CDK12: variants seen among roughly 807,000 people sequenced by gnomAD.
CDK12 encodes cyclin dependent kinase 12.
A neutral mutation model predicts 133.8 loss-of-function variants in CDK12; 17 were observed. That is an observed-to-expected ratio of 0.13 (90% CI 0.09 to 0.19). CDK12 has a LOEUF of 0.19. CDK12 is among the 10% of genes least tolerant of loss of function. The pLI is 1.00. For synonymous variants in CDK12, 694 were observed against 683.6 expected, an observed-to-expected ratio of 1.02 and a Z score of -0.24; for missense variants, 1,508 against 1,818.7, an observed-to-expected ratio of 0.83 and a Z score of 3.11.
intron 2 of CDK12, among the ~76,000 whole-genome samples, chr17:39,484,902 G>A (rs963885183): frequency 5.9e-5 from 9 of 152,124 alleles, no homozygotes; most frequent in African/African-American, 2.2e-4. Flanking sequence ...CGGGTGCGGT[G>A]GCTCACGCCT....
intron 5 of CDK12, among the ~76,000 whole-genome samples, chr17:39,498,425 G>A (rs781677488): frequency 6.6e-5 from 10 of 152,170 alleles, no homozygotes; most frequent in Admixed American, 2.6e-4. Context: ...GTTTCACCAT[G>A]TGGGCCAGGC....
At chr17:39,466,244 G>A (rs2049295983) in intron 1 of CDK12, among the ~76,000 whole-genome samples, 1 of 150,270 alleles carries the variant, frequency 6.7e-6, no homozygotes, top group South Asian at 2.1e-4. Flanking sequence ...GGAGGCAGAG[G>A]TTATAGTGAG....
intron 11 of CDK12, among the ~76,000 whole-genome samples, chr17:39,521,001 A>G (rs1424274619): frequency 6.6e-6 from 1 of 151,846 alleles, no homozygotes; most frequent in Non-Finnish European, 1.5e-5. Context: ...ACGTGCCACC[A>G]TGCCCAGCTA....
chr17:39,469,394 G>A (rs1041430428), intron 1 of CDK12, among the ~76,000 whole-genome samples: 1 of 152,078 alleles, frequency 6.6e-6, no homozygotes, highest in East Asian at 1.9e-4. Flanking sequence ...AAGTTATTTT[G>A]GTAAATCATT....
At chr17:39,555,198 T>C (rs2056107358) in intron 2 of CDK12, among the ~76,000 whole-genome samples, 1 of 151,900 alleles carries the variant, frequency 6.6e-6, no homozygotes, top group Admixed American at 6.6e-5. Context: ...TGAGCCGAGA[T>C]CGCACCACTG....
upstream of CDK12, among the ~76,000 whole-genome samples, chr17:39,544,832 G>C (rs1474861787): frequency 1.3e-5 from 2 of 151,922 alleles, no homozygotes; most frequent in Non-Finnish European, 2.9e-5. Flanking sequence ...GTTTCTCCAT[G>C]TTGGTCAGGC....
chr17:39,485,848 G>A lies in CDK12; in HGVS notation c.1932-4709G>A, dbSNP rs1453145286. ...TGATTGCACCACTACAGTCCAGCTT[G>A]GGTGACACAGCAAGATCCTGTCTCC... is the stretch of plus-strand genomic sequence containing the variant. On this transcript the variant is annotated intron_variant, in intron 2 of 13. Transcript: ENST00000447079. Among the ~76,000 whole-genome samples, 4 of 151,984 alleles carry A rather than the reference G, an allele frequency of 2.6e-5. No homozygotes were observed. In the East Asian group the frequency reaches 7.7e-4, roughly 29 times the overall value.
intron 13 of CDK12, among the ~76,000 whole-genome samples, chr17:39,527,923 T>G (rs1407775359): frequency 6.6e-6 from 1 of 151,672 alleles, no homozygotes; most frequent in Non-Finnish European, 1.5e-5. Context: ...TACTTTTTTT[T>G]TGTTTGTTTT....
chr17:39,501,489 CT>C, intron 6 of CDK12, 50 bp downstream of exon 6: 1 of 1,302,288 alleles, frequency 7.7e-7, no homozygotes, highest in Non-Finnish European at 1.1e-6. Context: ...CTCCTCTGAC[CT>C]TTTTAGTTTC....
chr17:39,509,054 A>G (rs1417684832), intron 6 of CDK12, among the ~76,000 whole-genome samples: 1 of 151,602 alleles, frequency 6.6e-6, no homozygotes, highest in Non-Finnish European at 1.5e-5. Flanking sequence ...CCTTGAAGTG[A>G]TTCTCAAAGC....
chr17:39,484,959 A>G (rs1294957208), intron 2 of CDK12, among the ~76,000 whole-genome samples: 6 of 152,104 alleles, frequency 3.9e-5, no homozygotes, highest in Non-Finnish European at 7.4e-5. Context: ...TCACGAGGTC[A>G]GGAGATCGAG....
chr17:39,499,356 A>C (rs2052545094), intron 5 of CDK12, among the ~76,000 whole-genome samples: 1 of 146,254 alleles, frequency 6.8e-6, no homozygotes, highest in Non-Finnish European at 1.5e-5. Flanking sequence ...TTACAGGTGC[A>C]CGCCACCACG....
In CDK12 at chr17:39,533,381, T is replaced by G. The variant is rs1327911020; in HGVS notation, c.*2065T>G. The G allele has an allele frequency of 1.3e-5, 3 of 233,074 alleles. No individual in the cohort carries two copies. In the East Asian group the frequency reaches 1.8e-4, roughly 14 times the overall value. The allele number at this position is 233,074 out of a possible 1,614,324, so 14.4% of individuals were successfully genotyped here. A position where few individuals can be genotyped will look rare whatever the true frequency, so the allele number is the denominator to read the frequency against. ...CTTCTGTCTGTTGACTTCTTAGTCC[T>G]CAGACATGGGCCTTTGTGTTTTAGA... On this transcript the variant is annotated 3_prime_UTR_variant, in exon 14 of 14. Transcript: ENST00000447079.
downstream of CDK12, among the ~76,000 whole-genome samples, chr17:39,536,147 C>T (rs1162770209): frequency 6.6e-6 from 1 of 152,124 alleles, no homozygotes; most frequent in Non-Finnish European, 1.5e-5. Flanking sequence ...GGTGGTACTC[C>T]TTACTGTACG....
chr17:39,518,951 G>A (rs1219292134), intron 10 of CDK12, among the ~76,000 whole-genome samples: 2 of 152,178 alleles, frequency 1.3e-5, no homozygotes, highest in African/African-American at 4.8e-5. Context: ...GCCCAAGCCA[G>A]AGTGCAGTGG....
chr17:39,480,756 A>G (rs1365863270), intron 2 of CDK12, among the ~76,000 whole-genome samples: 3 of 152,014 alleles, frequency 2.0e-5, no homozygotes, highest in Admixed American at 6.6e-5. Context: ...ATGTATTTTG[A>G]ATAGGAGTGT....
downstream of CDK12, among the ~76,000 whole-genome samples, chr17:39,565,446 T>TGTTTA (rs56852777): frequency 7.6e-4 from 114 of 150,032 alleles, no homozygotes; most frequent in Non-Finnish European, 1.4e-3. Context: ...TTTGTTTGTT[T>TGTTTA]AAAAAAAACG....
At chr17:39,514,250 G>A (rs963080003) in intron 8 of CDK12, among the ~76,000 whole-genome samples, 1 of 152,104 alleles carries the variant, frequency 6.6e-6, no homozygotes, top group Non-Finnish European at 1.5e-5. Context: ...AATATAGGAA[G>A]TAAGAATTTG....
At chr17:39,560,242 G>A (rs2056326621) in intron 3 of CDK12, among the ~76,000 whole-genome samples, 1 of 152,150 alleles carries the variant, frequency 6.6e-6, no homozygotes, top group East Asian at 1.9e-4. Context: ...TCCAGTTTCT[G>A]GCTATTACAA....
Sources: gnomAD v4.1 joint callset for allele counts (sites outside exome capture counted in the v4.1 genomes callset) on GRCh38, gnomAD v4.1.1 for gene constraint, MANE v1.5 for transcripts, NCBI Gene and HGNC (gene_info 2026-07-23, HGNC 2026-07-21) for gene names.